GLIPR1L1: variants seen among roughly 807,000 people sequenced by gnomAD.
The protein encoded by GLIPR1L1 is GLIPR1-like protein 1.
GLIPR1L1 carries 26 observed loss-of-function variants against 29.9 expected under a neutral mutation model. That is an observed-to-expected ratio of 0.87 (90% CI 0.64 to 1.21). The LOEUF is 1.21. Among genes scored for constraint, GLIPR1L1 ranks in the 50% most tolerant of loss-of-function variants. GLIPR1L1 has a pLI of 0.00. For synonymous variants in GLIPR1L1, 77 were observed against 97.5 expected (o/e 0.79, Z 1.24); for missense variants, 305 against 290.3 (o/e 1.05, Z -0.37).
intron 1 of GLIPR1L1, 22 bp downstream of exon 1, chr12:75,334,924 G>T (rs1442492230): frequency 1.9e-6 from 3 of 1,606,774 alleles, no homozygotes; most frequent in East Asian, 4.5e-5. Flanking sequence ...CCAGGGCTGG[G>T]CTCTTAAATC....
chr12:75,351,378 TAATCATCAGATTC>T (rs2042799045), intron 3 of GLIPR1L1, among the ~76,000 whole-genome samples: 1 of 152,030 alleles, frequency 6.6e-6, no homozygotes, highest in African/African-American at 2.4e-5. Flanking sequence ...CCAAGACACA[TAATCATCAGATTC>T]TCCAAGGTCA....
chr12:75,357,332 T>A (rs1246655013), intron 3 of GLIPR1L1, among the ~76,000 whole-genome samples: 1 of 152,196 alleles, frequency 6.6e-6, no homozygotes, highest in Admixed American at 6.6e-5. Flanking sequence ...TCCTACATGT[T>A]AAGCAGCTAA....
intron 2 of GLIPR1L1, among the ~76,000 whole-genome samples, chr12:75,346,256 GTTAA>G (rs535576744): frequency 9.1e-4 from 139 of 152,194 alleles, no homozygotes; most frequent in African/African-American, 3.2e-3. Flanking sequence ...TGTATTTTTG[GTTAA>G]TTGTTTAAAA....
chr12:75,360,560 T>G (rs2043506437), intron 3 of GLIPR1L1: 1 of 152,138 alleles, frequency 6.6e-6, no homozygotes. Flanking sequence ...TTTGGCGCCA[T>G]GTCTCATATC....
intron 1 of GLIPR1L1, among the ~76,000 whole-genome samples, chr12:75,338,663 G>T (rs765976234): frequency 2.0e-5 from 3 of 152,006 alleles, no homozygotes; most frequent in Non-Finnish European, 4.4e-5. Flanking sequence ...GTGAACATAT[G>T]CCATGGTGGT....
intron 3 of GLIPR1L1, among the ~76,000 whole-genome samples, chr12:75,361,445 C>A (rs758016708): frequency 6.6e-6 from 1 of 152,136 alleles, no homozygotes; most frequent in Non-Finnish European, 1.5e-5. Flanking sequence ...GGAACCCAAC[C>A]CTATCTGCCT....
At chr12:75,354,166 AGG>A (rs35360428) in intron 3 of GLIPR1L1, among the ~76,000 whole-genome samples, 21 of 122,924 alleles carry the variant, frequency 1.7e-4, no homozygotes, top group South Asian at 5.7e-4. Context: ...GAGAAAAAAA[AGG>A]GGGGGGGGTA....
At chr12:75,350,414 G>T (rs1000294493) in intron 3 of GLIPR1L1, among the ~76,000 whole-genome samples, 6 of 152,170 alleles carry the variant, frequency 3.9e-5, no homozygotes, top group Non-Finnish European at 8.8e-5. Context: ...CCCAACAGGG[G>T]TCTCCAGGCA....
chr12:75,369,944 T>A lies in GLIPR1L1; in HGVS notation c.611-16T>A, dbSNP rs2044248790. 1 of 1,203,366 alleles carries A rather than the reference T, an allele frequency of 8.3e-7. No individual in the cohort carries two copies. Among genetic ancestry groups the A allele is most frequent in the Non-Finnish European group, 1.1e-6 (1 of 881,212 alleles). The allele number at this position is 1,203,366 out of a possible 1,614,324, so 74.5% of individuals were successfully genotyped here. The stretch of plus-strand genomic sequence containing the variant: ...TTTATAACATTTTATAATATTAACT[T>A]TAATTTTTACTTTAGGGACTCCACA... On this transcript the variant is annotated splice_polypyrimidine_tract_variant and intron_variant, in intron 4 of 5. Transcript: ENST00000378695.
chr12:75,335,934 G>A (rs1399425071), intron 1 of GLIPR1L1, among the ~76,000 whole-genome samples: 1 of 151,940 alleles, frequency 6.6e-6, no homozygotes, highest in Non-Finnish European at 1.5e-5. Context: ...ATAAAAAAGA[G>A]TAAATGTGGG....
At chr12:75,357,748 C>G (rs957392635) in intron 3 of GLIPR1L1, among the ~76,000 whole-genome samples, 1 of 151,850 alleles carries the variant, frequency 6.6e-6, no homozygotes, top group African/African-American at 2.4e-5. Flanking sequence ...TAACATACTT[C>G]TAAATAACTC....
rs372071685 is a variant in GLIPR1L1, at chr12:75,352,564, AC to A, written c.521+4843del. Among the ~76,000 whole-genome samples, 171 of 152,326 alleles carry A rather than the reference AC, an allele frequency of 1.1e-3. 1 individual carries two copies. The highest frequency in any genetic ancestry group is 3.6e-3 in the African/African-American group (151 of 41,576). On this transcript the variant is annotated intron_variant, in intron 3 of 5. Transcript: ENST00000378695. ...CACACAATAATAGTGGAAGATTTTA[AC>A]ACCCCACTGTCAATATTAGCCAGAT...
chr12:75,335,686 T>C (rs937521785), intron 1 of GLIPR1L1, among the ~76,000 whole-genome samples: 1 of 151,998 alleles, frequency 6.6e-6, no homozygotes, highest in Non-Finnish European at 1.5e-5. Context: ...TGTACTAGTC[T>C]ACTGTATAAG....
At chr12:75,347,598 T>C in intron 2 of GLIPR1L1, 24 bp from the exon 3 acceptor site, 1 of 1,478,732 alleles carries the variant, frequency 6.8e-7, no homozygotes, top group South Asian at 1.1e-5. Context: ...CCATATTTTA[T>C]CTTGACATTC....
Position 75,334,792 on chromosome 12 carries a change from T to C in GLIPR1L1, c.64T>C (p.Ser22Pro). 2 of 1,614,072 alleles carry C rather than the reference T, an allele frequency of 1.2e-6. No individual in the cohort carries two copies. Among genetic ancestry groups the C allele is most frequent in the Non-Finnish European group, 8.5e-7 (1 of 1,179,954 alleles). ...GGGTCTGTGTTTGGTAGCCACTACATCTTCCAAAATCCCATCCATCACTGA... is the reference window on the plus strand; with the variant it reads ...GGGTCTGTGTTTGGTAGCCACTACACCTTCCAAAATCCCATCCATCACTGA... ...ILGLCLVATT[S>P]SKIPSITDPH... The change falls in exon 1 of 6, where the codon TCT (serine) becomes CCT (proline). Residue 22 changes from serine to proline, a missense_variant. Transcript: ENST00000378695.
At chr12:75,350,015 A>G (rs2139425346) in intron 3 of GLIPR1L1, among the ~76,000 whole-genome samples, 1 of 152,330 alleles carries the variant, frequency 6.6e-6, no homozygotes, top group Admixed American at 6.5e-5. Flanking sequence ...GGTGCCCACC[A>G]CCACTGTGGC....
At chr12:75,346,395 CTT>C (rs963733264) in intron 2 of GLIPR1L1, among the ~76,000 whole-genome samples, 7 of 145,982 alleles carry the variant, frequency 4.8e-5, no homozygotes, top group Admixed American at 1.4e-4. Context: ...AAGCAAAACT[CTT>C]TTTTTTTTTT....
chr12:75,338,818 T>C (rs1289907194), intron 1 of GLIPR1L1, among the ~76,000 whole-genome samples: 1 of 139,070 alleles, frequency 7.2e-6, no homozygotes, highest in Non-Finnish European at 1.7e-5. Flanking sequence ...GTTCTCATTG[T>C]TCAGCTCCCA....
chr12:75,351,900 C>A (rs2042840426), intron 3 of GLIPR1L1, among the ~76,000 whole-genome samples: 1 of 152,054 alleles, frequency 6.6e-6, no homozygotes, highest in Non-Finnish European at 1.5e-5. Context: ...TCATATCCAG[C>A]CAAACAACAT....
Sources: allele counts gnomAD v4.1 joint callset (sites outside exome capture counted in the v4.1 genomes callset), GRCh38; gene constraint gnomAD v4.1.1; transcripts MANE v1.5; gene names NCBI Gene and HGNC (gene_info 2026-07-23, HGNC 2026-07-21).